Variants in CATSPERT observed in about 807,000 individuals in gnomAD.
The protein encoded by CATSPERT is catsper channel auxiliary subunit tau.
chr2:201,584,743 A>G, the CATSPERT span, among the ~76,000 whole-genome samples: 1 of 152,144 alleles, frequency 6.6e-6, no homozygotes. Flanking sequence ...AGATCGTGCC[A>G]CTGCACTCCA....
chr2:201,538,511 T>C, the CATSPERT span, among the ~76,000 whole-genome samples: 10 of 152,268 alleles, frequency 6.6e-5, no homozygotes, highest in Admixed American at 3.3e-4. Flanking sequence ...ACTTAGTGTC[T>C]CTGCATCACA....
At chr2:201,571,638 C>A in the CATSPERT span, among the ~76,000 whole-genome samples, 1 of 152,084 alleles carries the variant, frequency 6.6e-6, no homozygotes, top group African/African-American at 2.4e-5. Context: ...ATCTCCTTGG[C>A]CTGCTTTCCT....
the CATSPERT span, among the ~76,000 whole-genome samples, chr2:201,500,573 G>A: frequency 6.6e-6 from 1 of 152,212 alleles, no homozygotes; most frequent in South Asian, 2.1e-4. Context: ...TAGGTGATAA[G>A]TATGTAACTG....
chr2:201,565,660 T>C, the CATSPERT span: 1 of 1,428,234 alleles, frequency 7.0e-7, no homozygotes, highest in Non-Finnish European at 9.2e-7. Context: ...GAAATTAATA[T>C]ATTATACAAA....
chr2:201,572,342 A>G, the CATSPERT span, among the ~76,000 whole-genome samples: 2 of 152,120 alleles, frequency 1.3e-5, no homozygotes, highest in African/African-American at 4.8e-5. Flanking sequence ...ACAGTAGGCA[A>G]GAGTCAGGAC....
chr2:201,508,792 T>C, the CATSPERT span, among the ~76,000 whole-genome samples: 1 of 151,688 alleles, frequency 6.6e-6, no homozygotes, highest in Non-Finnish European at 1.5e-5. Flanking sequence ...AGTTCATCCA[T>C]GCTCTAGCAT....
chr2:201,599,689 T>G, the CATSPERT span, among the ~76,000 whole-genome samples: 7 of 152,188 alleles, frequency 4.6e-5, no homozygotes, highest in African/African-American at 1.7e-4. Context: ...CTATTAGAGT[T>G]CCATTAAAAC....
At chr2:201,605,373 G>A in the CATSPERT span, among the ~76,000 whole-genome samples, 297 of 152,216 alleles carry the variant, frequency 2.0e-3, 1 homozygote, top group African/African-American at 6.6e-3. Context: ...ATCATGATGC[G>A]CACTGCTTCT....
the CATSPERT span, among the ~76,000 whole-genome samples, chr2:201,502,527 G>A: frequency 8.1e-5 from 12 of 148,680 alleles, no homozygotes; most frequent in African/African-American, 1.5e-4. Flanking sequence ...AGCCAAGATC[G>A]TGCCACTGCA....
chr2:201,547,078 CTA>C, the CATSPERT span, among the ~76,000 whole-genome samples: 2 of 152,038 alleles, frequency 1.3e-5, no homozygotes, highest in Non-Finnish European at 2.9e-5. Context: ...TAGGCTAAAG[CTA>C]TACAGTTAGA....
At chr2:201,617,847 G>C in the CATSPERT span, among the ~76,000 whole-genome samples, 4 of 151,586 alleles carry the variant, frequency 2.6e-5, no homozygotes, top group East Asian at 5.8e-4. Flanking sequence ...ACAAAGAACT[G>C]AAACAAATTT....
At chr2:201,528,453 A>G in the CATSPERT span, among the ~76,000 whole-genome samples, 1 of 152,188 alleles carries the variant, frequency 6.6e-6, no homozygotes, top group African/African-American at 2.4e-5. Flanking sequence ...AAAAAGACAC[A>G]TTCATGTATA....
chr2:201,518,195 C>G, the CATSPERT span, among the ~76,000 whole-genome samples: 16 of 152,296 alleles, frequency 1.1e-4, no homozygotes, highest in East Asian at 2.7e-3. Flanking sequence ...GGTGCTGGGC[C>G]TCATTTTATG....
At chr2:201,501,395 CAAAAAAAAAAAAA>C in the CATSPERT span, among the ~76,000 whole-genome samples, 1 of 46,602 alleles carries the variant, frequency 2.1e-5, no homozygotes, top group Admixed American at 3.0e-4. Context: ...AACTCCATCT[CAAAAAAAAAAAAA>C]AAAAAAAAAA....
chr2:201,594,077 T>A, the CATSPERT span, among the ~76,000 whole-genome samples: 3 of 152,224 alleles, frequency 2.0e-5, no homozygotes. Flanking sequence ...CTAGCCTCGA[T>A]GGTCTTTACA....
chr2:201,589,777 A>G, the CATSPERT span, among the ~76,000 whole-genome samples: 1 of 152,234 alleles, frequency 6.6e-6, no homozygotes, highest in East Asian at 1.9e-4. Flanking sequence ...AATTAAACTA[A>G]AGAGCTTCTG....
At chr2:201,566,073 A>G in the CATSPERT span, among the ~76,000 whole-genome samples, 1 of 152,126 alleles carries the variant, frequency 6.6e-6, no homozygotes, top group Non-Finnish European at 1.5e-5. Flanking sequence ...CCTTACTACT[A>G]AACTTAGATC....
chr2:201,511,895 ACTCC>A, the CATSPERT span: 1 of 150,416 alleles, frequency 6.6e-6, no homozygotes, highest in African/African-American at 2.4e-5. Context: ...ACTTCAAACA[ACTCC>A]GAAGATTGTT....
At chr2:201,609,406 A>G in the CATSPERT span, among the ~76,000 whole-genome samples, 2 of 152,234 alleles carry the variant, frequency 1.3e-5, no homozygotes, top group Non-Finnish European at 2.9e-5. Context: ...TCATCACCAC[A>G]TGGAAAATTC....
Sources: gnomAD v4.1 joint callset for allele counts (sites outside exome capture counted in the v4.1 genomes callset) on GRCh38, gnomAD v4.1.1 for gene constraint, MANE v1.5 for transcripts, NCBI Gene and HGNC (gene_info 2026-07-23, HGNC 2026-07-21) for gene names.